RBMS3: variants seen among roughly 807,000 people sequenced by gnomAD.
The protein encoded by RBMS3 is RNA-binding motif, single-stranded-interacting protein 3.
A neutral mutation model predicts 66.8 loss-of-function variants in RBMS3; 27 were observed. The ratio of observed to expected loss-of-function variants is 0.40; its 90% CI spans 0.30 to 0.56. The LOEUF (loss-of-function observed/expected upper bound fraction) is 0.56. Among genes scored for constraint, RBMS3 ranks in the 20% least tolerant of loss-of-function variants. The pLI, the probability that RBMS3 is intolerant of heterozygous loss-of-function variation, is 0.40. For missense variants in RBMS3, 513 were observed against 549.5 expected (o/e 0.93, Z 0.66); for synonymous variants, 188 against 183.0 (o/e 1.03, Z -0.22).
chr3:29,420,599 A>G (rs2040673950), intron 1 of RBMS3, among the ~76,000 whole-genome samples: 1 of 150,930 alleles, frequency 6.6e-6, no homozygotes, highest in African/African-American at 2.4e-5. Flanking sequence ...TTATCAACAT[A>G]GCTATAAATC....
At chr3:29,466,923 C>T (rs2042563918) in intron 2 of RBMS3, among the ~76,000 whole-genome samples, 1 of 152,092 alleles carries the variant, frequency 6.6e-6, no homozygotes, top group Non-Finnish European at 1.5e-5. Context: ...TGAAATTTAG[C>T]TGTGTGTCCC....
intron 13 of RBMS3, among the ~76,000 whole-genome samples, chr3:29,990,237 T>C (rs1698743499): frequency 6.9e-6 from 1 of 143,918 alleles, no homozygotes; most frequent in African/African-American, 2.5e-5. Flanking sequence ...AAAGAAGAAA[T>C]TTAGGGAATT....
rs773078453 is a variant in RBMS3, at chr3:29,284,862, C to CTTTT, written c.75+3124_75+3127dup. Among the ~76,000 whole-genome samples, 65 of 112,750 alleles carry CTTTT rather than the reference C, an allele frequency of 5.8e-4. 1 individual carries two copies. The highest frequency in any genetic ancestry group is 1.1e-3 in the African/African-American group (34 of 29,698). 74.0% of individuals were successfully genotyped at this position (112,750 alleles called of 152,430 possible). On this transcript the variant is annotated intron_variant, in intron 1 of 14. Transcript: ENST00000383767. ...TCAATTTTCTTTTTGATGAATTTTT[C>CTTTT]TTTTTTTTTTTTTTTTTTTTTACCA... is the stretch of plus-strand genomic sequence containing the variant.
At chr3:29,632,669 A>G (rs368926200) in intron 4 of RBMS3, among the ~76,000 whole-genome samples, 1 of 151,836 alleles carries the variant, frequency 6.6e-6, no homozygotes. Context: ...AAGCCAAGGG[A>G]AATGACTAAA....
chr3:29,995,415 G>T (rs557286192), intron 14 of RBMS3, among the ~76,000 whole-genome samples: 1 of 151,914 alleles, frequency 6.6e-6, no homozygotes, highest in Non-Finnish European at 1.5e-5. Context: ...TACAGAGAAC[G>T]CCACAAAGAT....
At chr3:29,373,262 C>A (rs919799985) in intron 1 of RBMS3, among the ~76,000 whole-genome samples, 3 of 152,086 alleles carry the variant, frequency 2.0e-5, no homozygotes, top group African/African-American at 7.2e-5. Flanking sequence ...AGCACTGTTA[C>A]TCAGGGTAGA....
chr3:29,341,787 A>T (rs1383441489), intron 1 of RBMS3, among the ~76,000 whole-genome samples: 1 of 152,154 alleles, frequency 6.6e-6, no homozygotes, highest in Admixed American at 6.6e-5. Flanking sequence ...TGAAATTATT[A>T]TTTTTCACCT....
Position 30,004,671 on chromosome 3 carries a change from G to A in RBMS3, c.*809G>A, listed in dbSNP as rs1699751921. 1 of 152,146 alleles carries A rather than the reference G, an allele frequency of 6.6e-6. No homozygotes were observed. The highest frequency in any genetic ancestry group is 6.6e-5 in the Admixed American group (1 of 15,194). The allele number at this position is 152,146 out of a possible 1,614,324, so 9.4% of individuals were successfully genotyped here. A position where few individuals can be genotyped will look rare whatever the true frequency, so the allele number is the denominator to read the frequency against. ...GTGTTGACATGAATCATTCTAAAAG[G>A]CTAAAACATTTTACAGTAAAGTTAT... On this transcript the variant is annotated 3_prime_UTR_variant, in exon 15 of 15. Transcript: ENST00000383767.
intron 4 of RBMS3, among the ~76,000 whole-genome samples, chr3:29,607,133 T>G (rs1233556587): frequency 6.6e-6 from 1 of 151,980 alleles, no homozygotes; most frequent in African/African-American, 2.4e-5. Context: ...ATTTTAAATA[T>G]TTGGTTATCA....
intron 4 of RBMS3, among the ~76,000 whole-genome samples, chr3:29,713,806 G>A (rs1445421180): frequency 6.6e-6 from 1 of 152,138 alleles, no homozygotes; most frequent in African/African-American, 2.4e-5. Context: ...AGTAATCCCA[G>A]CACTTTGGGA....
At chr3:29,531,562 T>C (rs2045352387) in intron 3 of RBMS3, among the ~76,000 whole-genome samples, 1 of 152,226 alleles carries the variant, frequency 6.6e-6, no homozygotes, top group Non-Finnish European at 1.5e-5. Flanking sequence ...CAGAGCGGAA[T>C]TTTGTAGCTA....
At chr3:29,327,168 A>C (rs1038835535) in intron 1 of RBMS3, among the ~76,000 whole-genome samples, 1 of 152,208 alleles carries the variant, frequency 6.6e-6, no homozygotes, top group Non-Finnish European at 1.5e-5. Flanking sequence ...AGTACAAAGC[A>C]GTCTCTAATT....
intron 12 of RBMS3, among the ~76,000 whole-genome samples, chr3:29,981,459 A>G (rs9826380): frequency 0.29 from 43,462 of 152,048 alleles, 7,667 homozygotes; most frequent in Non-Finnish European, 0.41. Context: ...AGAACTTCCA[A>G]TACTATGTTG....
chr3:29,572,877 G>A (rs547477992), intron 3 of RBMS3, among the ~76,000 whole-genome samples: 81 of 152,272 alleles, frequency 5.3e-4, no homozygotes, highest in Non-Finnish European at 9.1e-4. Context: ...GAATTCAGCA[G>A]TGAATCTGTT....
At chr3:29,913,636 T>C (rs2060569939) in intron 10 of RBMS3, among the ~76,000 whole-genome samples, 1 of 152,026 alleles carries the variant, frequency 6.6e-6, no homozygotes. Context: ...AAGCTAATTA[T>C]CAACTTGGGT....
chr3:29,314,399 C>T (rs938688592), intron 1 of RBMS3, among the ~76,000 whole-genome samples: 2 of 151,646 alleles, frequency 1.3e-5, no homozygotes, highest in Non-Finnish European at 2.9e-5. Context: ...TCATTTTACA[C>T]ATTAGGAAAT....
intron 12 of RBMS3, among the ~76,000 whole-genome samples, chr3:29,968,203 C>CA (rs1235772768): frequency 6.8e-6 from 1 of 147,144 alleles, no homozygotes; most frequent in Non-Finnish European, 1.6e-5. Flanking sequence ...CCCGGCCTGC[C>CA]CCCGTAACAG....
intron 1 of RBMS3, among the ~76,000 whole-genome samples, chr3:29,334,115 T>A (rs994528932): frequency 3.3e-5 from 5 of 152,194 alleles, no homozygotes; most frequent in African/African-American, 1.2e-4. Flanking sequence ...AAGGGCTTAT[T>A]AGCTTAGTAC....
chr3:29,538,867 G>A (rs1036543734), intron 3 of RBMS3, among the ~76,000 whole-genome samples: 7 of 152,012 alleles, frequency 4.6e-5, no homozygotes, highest in Non-Finnish European at 1.0e-4. Context: ...TTTTATTTCT[G>A]TAAAATAAGA....
Sources: allele counts gnomAD v4.1 joint callset (sites outside exome capture counted in the v4.1 genomes callset), GRCh38; gene constraint gnomAD v4.1.1; transcripts MANE v1.5; gene names NCBI Gene and HGNC (gene_info 2026-07-23, HGNC 2026-07-21).